The following NTF3 variants were observed in gnomAD, a reference collection of about 807,000 sequenced individuals.
NTF3 encodes the protein neurotrophin 3.
A neutral mutation model predicts 26.3 loss-of-function variants in NTF3; 8 were observed. The ratio of observed to expected loss-of-function variants is 0.30; its 90% CI spans 0.18 to 0.55. The LOEUF is 0.55. Ranked by LOEUF, NTF3 falls within the 20% of genes least tolerant of loss-of-function variation. The pLI is 0.93. For missense variants in NTF3, 276 were observed against 352.9 expected, an observed-to-expected ratio of 0.78 and a Z score of 1.75; for synonymous variants, 154 against 145.5, an observed-to-expected ratio of 1.06 and a Z score of -0.42.
intron 1 of NTF3, among the ~76,000 whole-genome samples, chr12:5,462,130 C>G (rs752531154): frequency 6.6e-6 from 1 of 152,210 alleles, no homozygotes; most frequent in Non-Finnish European, 1.5e-5. Context: ...CATCACTAAT[C>G]AATTACAACA....
At chr12:5,435,960 CTG>C (rs1940162780) in intron 1 of NTF3, among the ~76,000 whole-genome samples, 1 of 152,018 alleles carries the variant, frequency 6.6e-6, no homozygotes, top group Non-Finnish European at 1.5e-5. Flanking sequence ...TGCAGGAATT[CTG>C]TGTGTCTGGG....
intron 1 of NTF3, among the ~76,000 whole-genome samples, chr12:5,462,679 C>A (rs11063692): frequency 0.27 from 41,408 of 152,106 alleles, 6,282 homozygotes; most frequent in East Asian, 0.51. Flanking sequence ...CAGCTGGACC[C>A]TCTAATTCTA....
At chr12:5,490,415 A>G (rs1382101222) in intron 1 of NTF3, among the ~76,000 whole-genome samples, 2 of 152,234 alleles carry the variant, frequency 1.3e-5, no homozygotes, top group African/African-American at 2.4e-5. Context: ...ATAGCACAAT[A>G]TGACAATTGC....
chr12:5,480,504 G>A (rs778078383), intron 1 of NTF3, among the ~76,000 whole-genome samples: 13 of 152,196 alleles, frequency 8.5e-5, no homozygotes, highest in Non-Finnish European at 1.6e-4. Context: ...TGTTGGCGGC[G>A]GGCGGGCTGG....
At position 5,494,799 on chromosome 12, in the gene NTF3, T is replaced by C; in HGVS notation, c.624T>C (p.Cys208=). 6.2e-7 allele frequency: 1 copy of C among 1,614,094 alleles called. No homozygotes were observed. The highest frequency in any genetic ancestry group is 8.5e-7 in the Non-Finnish European group (1 of 1,180,006). Residue 208 remains cysteine, a synonymous_variant, in exon 2 of 2, where the codon TGT becomes TGC. Coordinates refer to ENST00000423158, the MANE Select transcript of NTF3 (RefSeq NM_001102654.2). This position sits in a 1 kb window ranked among gnomAD's most constrained non-coding sequence, Gnocchi z 8.3. ...PVKQYFYETR[C]KEARPVKNGC... Reference sequence around the variant, plus strand: ...AACAATATTTTTATGAAACGCGATGTAAGGAAGCCAGGCCGGTCAAAAACG... The same window carrying C: ...AACAATATTTTTATGAAACGCGATGCAAGGAAGCCAGGCCGGTCAAAAACG...
At chr12:5,488,096 A>C (rs910160678) in intron 1 of NTF3, among the ~76,000 whole-genome samples, 1 of 152,124 alleles carries the variant, frequency 6.6e-6, no homozygotes, top group African/African-American at 2.4e-5. Flanking sequence ...TGCCGTGGAA[A>C]CCCACACAGC....
intron 1 of NTF3, among the ~76,000 whole-genome samples, chr12:5,493,930 G>A (rs932674445): frequency 1.3e-5 from 2 of 152,086 alleles, no homozygotes; most frequent in African/African-American, 4.8e-5. Context: ...AGCAGAGACC[G>A]CAGGATAAAG....
intron 1 of NTF3, among the ~76,000 whole-genome samples, chr12:5,452,258 G>C (rs1940383628): frequency 6.6e-6 from 1 of 151,956 alleles, no homozygotes; most frequent in South Asian, 2.1e-4. Flanking sequence ...ACCACGCCCA[G>C]CTAATTTTTG....
At chr12:5,481,417 C>T (rs1052794798) in intron 1 of NTF3, among the ~76,000 whole-genome samples, 4 of 8,404 alleles carry the variant, frequency 4.8e-4, no homozygotes, top group Admixed American at 2.0e-3. Flanking sequence ...AACACCACAC[C>T]TACATGCACA....
chr12:5,443,389 A>T (rs1940263917), intron 1 of NTF3, among the ~76,000 whole-genome samples: 1 of 152,166 alleles, frequency 6.6e-6, no homozygotes, highest in African/African-American at 2.4e-5. Flanking sequence ...ACCTGGATGC[A>T]GGGCCCTGTG....
At chr12:5,453,847 T>C (rs924537885) in intron 1 of NTF3, among the ~76,000 whole-genome samples, 2 of 152,204 alleles carry the variant, frequency 1.3e-5, no homozygotes, top group Non-Finnish European at 2.9e-5. Context: ...GAGAACTGTG[T>C]AGGGTAGAGT....
chr12:5,493,582 G>A (rs763429737), intron 1 of NTF3, among the ~76,000 whole-genome samples: 8 of 152,110 alleles, frequency 5.3e-5, no homozygotes, highest in Non-Finnish European at 1.2e-4. Context: ...GCCCTCTCGC[G>A]GAGTGGGTAG....
chr12:5,460,175 C>A (rs1278922659), intron 1 of NTF3, among the ~76,000 whole-genome samples: 1 of 152,186 alleles, frequency 6.6e-6, no homozygotes, highest in Non-Finnish European at 1.5e-5. Context: ...AGTTAATAAG[C>A]AAATATTAGC....
In NTF3 at chr12:5,435,899, A is replaced by G. The variant is rs144755402; in HGVS notation, c.18+3557A>G. Among the ~76,000 whole-genome samples, 231 of 152,274 alleles carry G rather than the reference A, an allele frequency of 1.5e-3. 1 individual carries two copies. The highest frequency in any genetic ancestry group is 5.4e-3 in the African/African-American group (226 of 41,562). On this transcript the variant is annotated intron_variant, in intron 1 of 1. Transcript: ENST00000423158. ...CTGGGAGAAAACTAGCGAGGTGGAT[A>G]GGAGGGGTGGATATTCTGGCTCTTG... is the stretch of plus-strand genomic sequence containing the variant.
At chr12:5,451,882 G>A (rs1380477678) in intron 1 of NTF3, among the ~76,000 whole-genome samples, 4 of 151,962 alleles carry the variant, frequency 2.6e-5, no homozygotes, top group South Asian at 2.1e-4. Flanking sequence ...TTGTGAAGAC[G>A]GGCTCTCACT....
intron 1 of NTF3, among the ~76,000 whole-genome samples, chr12:5,443,444 G>T (rs1486846106): frequency 1.3e-5 from 2 of 152,156 alleles, no homozygotes; most frequent in Non-Finnish European, 2.9e-5. Context: ...TTCCCCAGGG[G>T]AGTTTTGGGT....
chr12:5,450,290 C>A (rs1291137397), intron 1 of NTF3, among the ~76,000 whole-genome samples: 1 of 152,176 alleles, frequency 6.6e-6, no homozygotes, highest in African/African-American at 2.4e-5. Flanking sequence ...AGGTGAAACC[C>A]AGACTTAGTA....
intron 1 of NTF3, 95 bp downstream of exon 1, chr12:5,432,437 A>G: frequency 7.3e-7 from 1 of 1,365,298 alleles, no homozygotes; most frequent in Non-Finnish European, 1.0e-6. Flanking sequence ...GGGGGGCCCC[A>G]GATCCGCATC....
At chr12:5,465,076 A>G (rs1940572695) in intron 1 of NTF3, among the ~76,000 whole-genome samples, 1 of 152,142 alleles carries the variant, frequency 6.6e-6, no homozygotes, top group African/African-American at 2.4e-5. Flanking sequence ...TTATTTCCAG[A>G]TGTGGAGGCT....
Sources: gnomAD v4.1 joint callset for allele counts (sites outside exome capture counted in the v4.1 genomes callset) on GRCh38, gnomAD v4.1.1 for gene constraint, Gnocchi (gnomAD v3.1) non-coding constraint, MANE v1.5 for transcripts, NCBI Gene and HGNC (gene_info 2026-07-23, HGNC 2026-07-21) for gene names.